The following SGTB variants were observed in gnomAD, a reference collection of about 807,000 sequenced individuals.
SGTB encodes small glutamine rich tetratricopeptide repeat co-chaperone beta, also known as small glutamine-rich tetratricopeptide repeat-containing protein beta.
In SGTB, 19 loss-of-function variants were observed where a neutral mutation model predicts 43.9. The observed-to-expected ratio is 0.43, with a 90% CI of 0.30 to 0.63. SGTB has a LOEUF of 0.63. Among genes scored for constraint, SGTB ranks in the 30% least tolerant of loss-of-function variants. SGTB has a pLI of 0.12. For missense variants in SGTB, 304 were observed against 358.9 expected (o/e 0.85, Z 1.24); for synonymous variants, 116 against 117.3 (o/e 0.99, Z 0.07).
chr5:65,717,141 C>A (rs1293981599), intron 2 of SGTB, among the ~76,000 whole-genome samples: 1 of 152,008 alleles, frequency 6.6e-6, no homozygotes, highest in Admixed American at 6.6e-5. Context: ...TTAAACAACA[C>A]AGAAATCACT....
intron 6 of SGTB, among the ~76,000 whole-genome samples, chr5:65,684,343 C>A (rs1379006550): frequency 6.6e-6 from 1 of 152,054 alleles, no homozygotes; most frequent in South Asian, 2.1e-4. Flanking sequence ...CTTGGCCTCC[C>A]AAAATGCTGG....
intron 8 of SGTB, among the ~76,000 whole-genome samples, chr5:65,676,591 T>C (rs769961725): frequency 4.6e-5 from 7 of 152,108 alleles, no homozygotes; most frequent in African/African-American, 1.4e-4. Flanking sequence ...GGACCTGATA[T>C]CTACAGAACT....
chr5:65,674,251 C>T (rs1326076292), intron 8 of SGTB, among the ~76,000 whole-genome samples: 1 of 152,082 alleles, frequency 6.6e-6, no homozygotes, highest in Non-Finnish European at 1.5e-5. Flanking sequence ...GGTAATTTAC[C>T]CTCTGGATGG....
rs143595221 is a variant in SGTB, at chr5:65,708,376, C to T, written c.274+113G>A. Reference sequence around the variant, plus strand: ...ATTTCTGTTTCGTAATTGCCATGTGCACTTATGACAATCTAGTCTTGGTGG... The same window carrying T: ...ATTTCTGTTTCGTAATTGCCATGTGTACTTATGACAATCTAGTCTTGGTGG... On this transcript the variant is annotated intron_variant, in intron 4 of 10. Transcript: ENST00000381007. 2,076 of 831,956 alleles carry T rather than the reference C, an allele frequency of 2.5e-3. 12 individuals carry two copies. Among genetic ancestry groups the T allele is most frequent in the East Asian group, 0.016 (599 of 36,810 alleles). The allele number at this position is 831,956 out of a possible 1,614,324, so 51.5% of individuals were successfully genotyped here.
upstream of SGTB, chr5:65,722,208 C>T (rs1758316325): frequency 5.7e-6 from 2 of 353,674 alleles, no homozygotes. Context: ...GGCTGGTAGG[C>T]GCCGGCGTGG....
intron 6 of SGTB, among the ~76,000 whole-genome samples, 174 bp from the exon 7 acceptor site, chr5:65,680,968 T>C (rs1229005521): frequency 2.6e-5 from 4 of 152,134 alleles, no homozygotes. Flanking sequence ...TAAGATTCTA[T>C]ATATCTGAAC....
At chr5:65,679,138 A>T (rs1345081674) in intron 8 of SGTB, among the ~76,000 whole-genome samples, 1 of 152,236 alleles carries the variant, frequency 6.6e-6, no homozygotes, top group Non-Finnish European at 1.5e-5. Context: ...GAACTTAAAC[A>T]AATTTACAAG....
rs1193941204 is a variant in SGTB, at chr5:65,669,628, A to G, written c.*618T>C. 6.6e-6 allele frequency: 1 copy of G among 152,600 alleles called. No homozygotes were observed. The highest frequency in any genetic ancestry group is 1.9e-4 in the East Asian group (1 of 5,200). 9.5% of individuals were successfully genotyped at this position (152,600 alleles called of 1,614,324 possible). On this transcript the variant is annotated 3_prime_UTR_variant, in exon 11 of 11. Transcript: ENST00000381007. ...ATTACCAATTTTTTCTTTTCAAAAC[A>G]TCCCTTGCATCAAGTGCTACTTTCT...
chr5:65,700,890 G>A (rs1248168309), intron 5 of SGTB, among the ~76,000 whole-genome samples: 1 of 149,742 alleles, frequency 6.7e-6, no homozygotes. Context: ...CATGCCTGTA[G>A]TCCCAGCTAC....
Position 65,672,114 on chromosome 5 carries a change from T to C in SGTB, c.720-116A>G, listed in dbSNP as rs554590778. On this transcript the variant is annotated intron_variant, in intron 9 of 10. Coordinates refer to ENST00000381007, the MANE Select transcript of SGTB (RefSeq NM_019072.3). ...GTTATACCAGAGGCTAGGCCAAATG[T>C]GTGTGGCTTTAAGCTCCAACTGACT... The C allele has an allele frequency of 3.0e-4, 465 of 1,563,610 alleles. 4 individuals are homozygous for C. Among genetic ancestry groups the C allele is most frequent in the Middle Eastern group, 8.5e-4 (5 of 5,884 alleles).
At chr5:65,672,959 G>A (rs904010603) in intron 8 of SGTB, among the ~76,000 whole-genome samples, 1 of 152,192 alleles carries the variant, frequency 6.6e-6, no homozygotes, top group Non-Finnish European at 1.5e-5. Context: ...AGTCAGGATT[G>A]GTGCCTCTGA....
At chr5:65,692,060 T>C (rs1413689725) in intron 5 of SGTB, among the ~76,000 whole-genome samples, 1 of 151,994 alleles carries the variant, frequency 6.6e-6, no homozygotes, top group Non-Finnish European at 1.5e-5. Flanking sequence ...TTATAACATA[T>C]TGAATAGCGA....
intron 4 of SGTB, among the ~76,000 whole-genome samples, chr5:65,706,330 T>G (rs1757932976): frequency 1.3e-5 from 2 of 152,188 alleles, no homozygotes; most frequent in Admixed American, 6.5e-5. Flanking sequence ...TTTTCTGGGT[T>G]ATTGAGACTT....
chr5:65,666,166 T>C lies in SGTB; in HGVS notation c.*4080A>G, dbSNP rs1163398949. ...ATACTTGGATTGTTTTTCAAGCATC[T>C]TCTTATGACTAAATCTTCTGTTTCA... On this transcript the variant is annotated 3_prime_UTR_variant, in exon 11 of 11. Transcript: ENST00000381007. The C allele has an allele frequency of 2.6e-5, 4 of 152,584 alleles. No individual in the cohort carries two copies. The East Asian group carries it at 5.8e-4, about 22-fold the overall frequency. 9.5% of individuals were successfully genotyped at this position (152,584 alleles called of 1,614,324 possible).
intron 3 of SGTB, among the ~76,000 whole-genome samples, chr5:65,712,185 G>A (rs1396568211): frequency 2.0e-5 from 3 of 152,182 alleles, no homozygotes; most frequent in Non-Finnish European, 4.4e-5. Context: ...GAGAATTGAG[G>A]ACTGCTTGAG....
At chr5:65,691,413 G>GT (rs144630144) in intron 5 of SGTB, among the ~76,000 whole-genome samples, 2,779 of 152,052 alleles carry the variant, frequency 0.018, 70 homozygotes, top group African/African-American at 0.056. Flanking sequence ...AAAGTGGTTG[G>GT]TTTTTTTATT....
At chr5:65,722,596 C>A (rs1758342343), upstream of SGTB, among the ~76,000 whole-genome samples, 1 of 152,238 alleles carries the variant, frequency 6.6e-6, no homozygotes, top group African/African-American at 2.4e-5. Context: ...CTGGGGCCAC[C>A]TTTCCCGCCT....
intron 6 of SGTB, among the ~76,000 whole-genome samples, chr5:65,684,487 A>G (rs1757458978): frequency 6.6e-6 from 1 of 152,116 alleles, no homozygotes; most frequent in Non-Finnish European, 1.5e-5. Flanking sequence ...AATAGTTGCA[A>G]AGTTGTGGAG....
At chr5:65,685,581 C>A in intron 5 of SGTB, 109 bp from the exon 6 acceptor site, 1 of 770,172 alleles carries the variant, frequency 1.3e-6, no homozygotes, top group South Asian at 1.9e-5. Flanking sequence ...GTAGATCACT[C>A]CCACTAAATT....
Sources: allele counts gnomAD v4.1 joint callset (sites outside exome capture counted in the v4.1 genomes callset), GRCh38; gene constraint gnomAD v4.1.1; transcripts MANE v1.5; gene names NCBI Gene and HGNC (gene_info 2026-07-23, HGNC 2026-07-21).